LGR6: variants seen among roughly 807,000 people sequenced by gnomAD.
The protein encoded by LGR6 is leucine rich repeat containing G protein-coupled receptor 6.
LGR6 carries 45 observed loss-of-function variants against 69.4 expected under a neutral mutation model. The ratio of observed to expected loss-of-function variants is 0.65; its 90% confidence interval spans 0.51 to 0.83. The LOEUF (loss-of-function observed/expected upper bound fraction) is 0.83, where lower values mean the gene tolerates loss of function less well. Among genes scored for constraint, LGR6 ranks in the 40% least tolerant of loss-of-function variants. The probability of loss-of-function intolerance (pLI) is 0.00; values close to 1 mark genes in which losing one functional copy is unlikely to be tolerated. For missense variants in LGR6, 1,108 were observed against 1,246.7 expected (o/e 0.89, Z 1.68); for synonymous variants, 538 against 555.0 (o/e 0.97, Z 0.43).
chr1:202,316,099 C>T (rs1654120141), intron 17 of LGR6, among the ~76,000 whole-genome samples: 2 of 152,294 alleles, frequency 1.3e-5, no homozygotes, highest in South Asian at 4.1e-4. Flanking sequence ...AAAAATGTGA[C>T]TTAAAGAGAA....
intron 4 of LGR6, among the ~76,000 whole-genome samples, chr1:202,243,736 GGC>G (rs1427970484): frequency 6.6e-6 from 1 of 152,064 alleles, no homozygotes; most frequent in Non-Finnish European, 1.5e-5. Context: ...TCTTCAAGAG[GGC>G]CCAAGTGGGA....
chr1:202,255,269 A>G (rs936404790), intron 4 of LGR6, among the ~76,000 whole-genome samples: 1 of 152,198 alleles, frequency 6.6e-6, no homozygotes, highest in East Asian at 1.9e-4. Flanking sequence ...AGCTTCTGCC[A>G]TGGGCCACAA....
At chr1:202,234,225 C>T (rs1661330941) in intron 3 of LGR6, among the ~76,000 whole-genome samples, 1 of 152,220 alleles carries the variant, frequency 6.6e-6, no homozygotes, top group Non-Finnish European at 1.5e-5. Context: ...GGCCCTTGCC[C>T]CTTCCCCACC....
At chr1:202,279,457 TG>T (rs1217429015) in intron 5 of LGR6, among the ~76,000 whole-genome samples, 6 of 152,234 alleles carry the variant, frequency 3.9e-5, no homozygotes, top group Non-Finnish European at 8.8e-5. Context: ...TTCTTCCCCT[TG>T]TCAGTGATTT....
chr1:202,256,535 G>A (rs531633529), intron 4 of LGR6, among the ~76,000 whole-genome samples: 63 of 152,284 alleles, frequency 4.1e-4, no homozygotes, highest in South Asian at 1.5e-3. Flanking sequence ...GAGCCACCGC[G>A]CCTGACCACC....
intron 15 of LGR6, among the ~76,000 whole-genome samples, chr1:202,309,437 G>A (rs1653535078): frequency 6.6e-6 from 1 of 152,230 alleles, no homozygotes; most frequent in Admixed American, 6.5e-5. Context: ...AGTGATAGAA[G>A]TAAGATGATG....
At chr1:202,245,283 C>G (rs1054879403) in intron 4 of LGR6, among the ~76,000 whole-genome samples, 1 of 69,310 alleles carries the variant, frequency 1.4e-5, no homozygotes, top group African/African-American at 5.8e-5. Context: ...ACGTTTGGGG[C>G]AGAGGCTGCT....
chr1:202,309,079 C>G lies in LGR6; in HGVS notation c.1309C>G (p.Leu437Val), dbSNP rs757435566. 1.2e-6 allele frequency: 2 copies of G among 1,614,164 alleles called. No individual in the cohort carries two copies. The highest frequency in any genetic ancestry group is 1.7e-6 in the Non-Finnish European group (2 of 1,179,996). The change falls in exon 15 of 18, where the codon CTG becomes GTG. Residue 437 changes from leucine to valine, a missense_variant. Physicochemically the swap from Leu to Val is conservative, Grantham distance 32 (BLOSUM62 1). Transcript: ENST00000367278. ...LDLTDNQLTT[L>V]PLAGLGGLMH... is the part of the protein sequence containing the mutation. ...CCTGACAGACAACCAGCTGACCACACTGCCCCTGGCTGGACTTGGGGGCTT... is the reference window on the plus strand; with the variant it reads ...CCTGACAGACAACCAGCTGACCACAGTGCCCCTGGCTGGACTTGGGGGCTT...
At chr1:202,240,682 C>A (rs1056021255) in intron 4 of LGR6, among the ~76,000 whole-genome samples, 3 of 152,040 alleles carry the variant, frequency 2.0e-5, no homozygotes, top group Non-Finnish European at 2.9e-5. Flanking sequence ...CGCTTCAGGC[C>A]CCACAGCAAG....
intron 1 of LGR6, chr1:202,214,353 A>T (rs1239787508): frequency 1.9e-6 from 2 of 1,035,954 alleles, no homozygotes; most frequent in Non-Finnish European, 2.7e-6. Flanking sequence ...GCCGGCCCTA[A>T]TCCCCTTCCA....
At chr1:202,195,166 G>A (rs1658592204) in intron 1 of LGR6, among the ~76,000 whole-genome samples, 1 of 62,318 alleles carries the variant, frequency 1.6e-5, no homozygotes, top group East Asian at 6.8e-4. Flanking sequence ...CTGGGAGCAG[G>A]TGGGAAAGCC....
chr1:202,236,494 C>T (rs1359130240), intron 4 of LGR6, among the ~76,000 whole-genome samples: 7 of 152,176 alleles, frequency 4.6e-5, no homozygotes, highest in African/African-American at 1.7e-4. Flanking sequence ...ATAACAGATC[C>T]CTCCCTCCAA....
intron 7 of LGR6, among the ~76,000 whole-genome samples, chr1:202,299,514 ATC>A (rs969600296): frequency 4.3e-4 from 66 of 151,774 alleles, no homozygotes; most frequent in Non-Finnish European, 7.2e-4. Flanking sequence ...GTCTATCTCC[ATC>A]TCTCTCTCTC....
At chr1:202,215,877 TC>T (rs1220984952) in intron 1 of LGR6, among the ~76,000 whole-genome samples, 1 of 152,120 alleles carries the variant, frequency 6.6e-6, no homozygotes, top group African/African-American at 2.4e-5. Flanking sequence ...GAGCACAGGA[TC>T]GTGTGGCCTC....
intron 5 of LGR6, among the ~76,000 whole-genome samples, chr1:202,277,552 G>C (rs1464485954): frequency 6.6e-6 from 1 of 152,102 alleles, no homozygotes; most frequent in Non-Finnish European, 1.5e-5. Flanking sequence ...GTGGGGTCAG[G>C]CCTCTGTGAG....
intron 1 of LGR6, chr1:202,197,246 C>A: frequency 2.3e-6 from 1 of 427,276 alleles, no homozygotes; most frequent in East Asian, 6.5e-5. Flanking sequence ...GCTTCCACCT[C>A]TCCATCTTGG....
chr1:202,242,974 A>G (rs1318113744), intron 4 of LGR6, among the ~76,000 whole-genome samples: 1 of 152,236 alleles, frequency 6.6e-6, no homozygotes, highest in Non-Finnish European at 1.5e-5. Flanking sequence ...GGCTACTGCT[A>G]GATGTCTTGT....
intron 1 of LGR6, among the ~76,000 whole-genome samples, chr1:202,220,450 C>T (rs1166707421): frequency 2.0e-5 from 3 of 150,282 alleles, no homozygotes; most frequent in Non-Finnish European, 4.5e-5. Context: ...AACTCCTGAC[C>T]TCAGGTGGTC....
intron 4 of LGR6, among the ~76,000 whole-genome samples, chr1:202,271,001 T>G (rs1183429886): frequency 6.6e-6 from 1 of 152,112 alleles, no homozygotes; most frequent in Non-Finnish European, 1.5e-5. Context: ...GCCTGTGAGG[T>G]CCCTGCTAAT....
Sources: gnomAD v4.1 joint callset for allele counts (sites outside exome capture counted in the v4.1 genomes callset) on GRCh38, gnomAD v4.1.1 for gene constraint, MANE v1.5 for transcripts, NCBI Gene and HGNC (gene_info 2026-07-23, HGNC 2026-07-21) for gene names.